Variants in ALCAM observed in about 807,000 individuals in gnomAD.
ALCAM encodes CD166 antigen.
In ALCAM, 30 loss-of-function variants were observed where a neutral mutation model predicts 70.9. The observed-to-expected ratio is 0.42, with a 90% CI of 0.32 to 0.57. ALCAM has a LOEUF of 0.57. Ranked by LOEUF, ALCAM falls within the 20% of genes least tolerant of loss-of-function variation. ALCAM has a pLI of 0.11. For missense variants in ALCAM, 591 were observed against 695.1 expected (o/e 0.85, Z 1.68); for synonymous variants, 249 against 242.5 (o/e 1.03, Z -0.25).
intron 14 of ALCAM, 117 bp from the exon 15 acceptor site, chr3:105,571,735 G>A: frequency 1.3e-6 from 1 of 752,746 alleles, no homozygotes; most frequent in East Asian, 2.8e-5. Flanking sequence ...TTTTTGCCTA[G>A]CGGTTTGCTG....
At chr3:105,477,025 G>T (rs964097108) in intron 1 of ALCAM, among the ~76,000 whole-genome samples, 19 of 152,002 alleles carry the variant, frequency 1.2e-4, no homozygotes, top group Non-Finnish European at 2.9e-5. Context: ...TTTTCCTCTT[G>T]CCACCACCGT....
At chr3:105,472,772 C>T (rs923548251) in intron 1 of ALCAM, among the ~76,000 whole-genome samples, 2 of 151,464 alleles carry the variant, frequency 1.3e-5, no homozygotes, top group Non-Finnish European at 3.0e-5. Context: ...CACACATTCT[C>T]AAGTACAGTG....
intron 15 of ALCAM, among the ~76,000 whole-genome samples, chr3:105,573,563 T>G (rs976113284): frequency 6.6e-6 from 1 of 152,208 alleles, no homozygotes; most frequent in Non-Finnish European, 1.5e-5. Context: ...ATTTAACATA[T>G]AAAATAGCTG....
intron 1 of ALCAM, among the ~76,000 whole-genome samples, chr3:105,482,893 T>A (rs1355825115): frequency 1.3e-5 from 2 of 152,092 alleles, no homozygotes; most frequent in African/African-American, 4.8e-5. Flanking sequence ...AAAAAAATCA[T>A]ACCCAAGAAC....
intron 1 of ALCAM, among the ~76,000 whole-genome samples, chr3:105,463,272 G>C (rs1173072634): frequency 6.6e-6 from 1 of 151,316 alleles, no homozygotes; most frequent in African/African-American, 2.4e-5. Context: ...CATTATCTCA[G>C]CTAGCAGCCA....
chr3:105,520,033 T>G (rs1346429839), intron 1 of ALCAM, 34 bp from the exon 2 acceptor site: 6 of 1,420,518 alleles, frequency 4.2e-6, no homozygotes, highest in East Asian at 2.4e-5. Context: ...CTCTCTCTCT[T>G]TCTCTCTTCT....
intron 1 of ALCAM, among the ~76,000 whole-genome samples, chr3:105,498,801 T>A (rs1342973270): frequency 6.6e-6 from 1 of 152,136 alleles, no homozygotes; most frequent in Non-Finnish European, 1.5e-5. Context: ...ATTAAGATGA[T>A]CCTGACTCCT....
intron 1 of ALCAM, among the ~76,000 whole-genome samples, chr3:105,449,565 G>A (rs1248976702): frequency 6.6e-6 from 1 of 152,124 alleles, no homozygotes; most frequent in South Asian, 2.1e-4. Flanking sequence ...CAATTAATCA[G>A]TTACCTTTCA....
chr3:105,382,172 G>A (rs1425536646), intron 1 of ALCAM, among the ~76,000 whole-genome samples: 4 of 142,150 alleles, frequency 2.8e-5, no homozygotes, highest in African/African-American at 1.0e-4. Context: ...TCCCATCTAT[G>A]AGTGAGAACA....
At chr3:105,472,218 C>T (rs1194661405) in intron 1 of ALCAM, among the ~76,000 whole-genome samples, 2 of 151,246 alleles carry the variant, frequency 1.3e-5, no homozygotes, top group African/African-American at 4.8e-5. Flanking sequence ...TTAGGCAGTG[C>T]TACTGATGCT....
At chr3:105,375,621 G>T (rs1455609396) in intron 1 of ALCAM, among the ~76,000 whole-genome samples, 6 of 152,190 alleles carry the variant, frequency 3.9e-5, no homozygotes, top group South Asian at 4.2e-4. Context: ...AATTCACCTG[G>T]GAGCTACACT....
chr3:105,554,523 T>C (rs1047077133), intron 14 of ALCAM, among the ~76,000 whole-genome samples: 2 of 152,040 alleles, frequency 1.3e-5, no homozygotes, highest in African/African-American at 4.8e-5. Context: ...GAATAATGTT[T>C]GACCAAATGT....
rs1576120241 is a variant in ALCAM, at chr3:105,378,473, G to T, written c.73+10992G>T. 2.6e-5 allele frequency among the ~76,000 whole-genome samples: 4 copies of T among 151,928 alleles called. No homozygotes were observed. In the South Asian group the frequency reaches 8.3e-4, roughly 31 times the overall value. ...TGTTTATGGTGATTTTAAGGTATAG[G>T]TTTTATATTTTTGCAGAGATGGTCA... On this transcript the variant is annotated intron_variant, in intron 1 of 15. Transcript: ENST00000306107.
chr3:105,483,223 T>C (rs1261362550), intron 1 of ALCAM, among the ~76,000 whole-genome samples: 3 of 152,198 alleles, frequency 2.0e-5, no homozygotes, highest in African/African-American at 4.8e-5. Context: ...GGAGAAGCTA[T>C]ATCTTAGTCA....
chr3:105,523,859 T>C (rs1040350923), intron 2 of ALCAM, among the ~76,000 whole-genome samples: 2 of 152,210 alleles, frequency 1.3e-5, no homozygotes, highest in Admixed American at 1.3e-4. Context: ...AATAGGTGGA[T>C]TAAAATAAAG....
chr3:105,421,206 G>A (rs1576152043), intron 1 of ALCAM, among the ~76,000 whole-genome samples: 1 of 151,518 alleles, frequency 6.6e-6, no homozygotes, highest in Middle Eastern at 3.4e-3. Flanking sequence ...GAATGAGCAA[G>A]TGGTTCCATT....
At chr3:105,381,810 A>T (rs1007606756) in intron 1 of ALCAM, among the ~76,000 whole-genome samples, 1 of 151,796 alleles carries the variant, frequency 6.6e-6, no homozygotes, top group East Asian at 1.9e-4. Context: ...ATTTTCTAAC[A>T]TATTTCTCAA....
At chr3:105,390,620 A>G (rs1268286262) in intron 1 of ALCAM, among the ~76,000 whole-genome samples, 2 of 151,876 alleles carry the variant, frequency 1.3e-5, no homozygotes, top group Non-Finnish European at 2.9e-5. Flanking sequence ...CCATTTGTCA[A>G]TTTTTGCCTT....
intron 2 of ALCAM, among the ~76,000 whole-genome samples, chr3:105,524,048 C>T (rs1003508322): frequency 6.6e-6 from 1 of 151,946 alleles, no homozygotes; most frequent in African/African-American, 2.4e-5. Flanking sequence ...ATTCTATCTT[C>T]TCAATGAAAA....
Sources: gnomAD v4.1 joint callset for allele counts (sites outside exome capture counted in the v4.1 genomes callset) on GRCh38, gnomAD v4.1.1 for gene constraint, MANE v1.5 for transcripts, NCBI Gene and HGNC (gene_info 2026-07-23, HGNC 2026-07-21) for gene names.